Variants in SEC14L1 observed in about 807,000 individuals in gnomAD.
SEC14L1 encodes the protein SEC14-like protein 1.
A neutral mutation model predicts 85.3 loss-of-function variants in SEC14L1; 48 were observed. That is an observed-to-expected ratio of 0.56 (90% CI 0.45 to 0.72). The LOEUF (loss-of-function observed/expected upper bound fraction) is 0.72. SEC14L1 is among the 30% of genes least tolerant of loss of function. The pLI, the probability that SEC14L1 is intolerant of heterozygous loss-of-function variation, is 0.00. For missense variants in SEC14L1, 682 were observed against 921.4 expected, an observed-to-expected ratio of 0.74 and a Z score of 3.36; for synonymous variants, 391 against 355.5, an observed-to-expected ratio of 1.10 and a Z score of -1.12.
chr17:77,128,328 C>CG (rs1972509230), intron 3 of SEC14L1, among the ~76,000 whole-genome samples: 1 of 151,902 alleles, frequency 6.6e-6, no homozygotes, highest in Admixed American at 6.6e-5. Flanking sequence ...CAGGGGTGGG[C>CG]GGGGGTGCAG....
chr17:77,188,276 T>C (rs908623614), intron 3 of SEC14L1, among the ~76,000 whole-genome samples: 1 of 152,168 alleles, frequency 6.6e-6, no homozygotes, highest in Non-Finnish European at 1.5e-5. Flanking sequence ...ATGGCCCTTT[T>C]ACAGCCACAC....
intron 3 of SEC14L1, among the ~76,000 whole-genome samples, chr17:77,169,879 C>T (rs1974451015): frequency 1.3e-5 from 2 of 152,220 alleles, no homozygotes; most frequent in Admixed American, 1.3e-4. Context: ...GGGGTTGTAC[C>T]TTTGGTAAAG....
chr17:77,119,457 G>A (rs1258047669), intron 3 of SEC14L1, among the ~76,000 whole-genome samples: 4 of 152,104 alleles, frequency 2.6e-5, no homozygotes, highest in Admixed American at 6.6e-5. Flanking sequence ...CCTCATTGGC[G>A]TTAAATTAAA....
intron 3 of SEC14L1, among the ~76,000 whole-genome samples, chr17:77,123,407 G>GC (rs1323276334): frequency 9.5e-5 from 3 of 31,414 alleles, no homozygotes; most frequent in African/African-American, 7.0e-4. Context: ...TGGGTCCCAG[G>GC]CCCACTCTTT....
chr17:77,201,861 A>G (rs928188299), intron 9 of SEC14L1, among the ~76,000 whole-genome samples: 6 of 152,240 alleles, frequency 3.9e-5, no homozygotes, highest in Non-Finnish European at 8.8e-5. Flanking sequence ...GTCTAGAGCT[A>G]GACTCTCCTG....
chr17:77,190,988 C>T lies in SEC14L1; in HGVS notation c.213+36C>T, dbSNP rs754558222. The T allele has an allele frequency of 1.6e-4, 261 of 1,606,732 alleles. 1 individual carries two copies. The highest frequency in any genetic ancestry group is 1.0e-3 in the South Asian group (91 of 90,712). ...GAAAGGACGTCTTGGAGGGAAAGGGCGTCCTGGTGGGAGAGGGCGTCCTGG... is the reference window on the plus strand; with the variant it reads ...GAAAGGACGTCTTGGAGGGAAAGGGTGTCCTGGTGGGAGAGGGCGTCCTGG... On this transcript the variant is annotated intron_variant, in intron 4 of 16. Transcript: ENST00000436233.
At chr17:77,180,618 AC>A (rs1222168323) in intron 3 of SEC14L1, among the ~76,000 whole-genome samples, 3 of 152,134 alleles carry the variant, frequency 2.0e-5, no homozygotes, top group Non-Finnish European at 4.4e-5. Context: ...GAAGACTGGT[AC>A]CCGAGGCAGC....
chr17:77,194,762 CGA>C lies in SEC14L1; in HGVS notation c.561_562del (p.Thr188LeufsTer32). The C allele has an allele frequency of 6.2e-7, 1 of 1,614,182 alleles. No homozygotes were observed. Among genetic ancestry groups the C allele is most frequent in the Non-Finnish European group, 8.5e-7 (1 of 1,180,000 alleles). ...CCCCGTTGGAGTCCGCCTTCCATCA[CGA>C]CCTCTTCAGAGACATCTTCATCATC... is the stretch of plus-strand genomic sequence containing the variant. On this transcript the variant is annotated frameshift_variant, in exon 7 of 17. Coordinates refer to ENST00000436233, the MANE Select transcript of SEC14L1 (RefSeq NM_001143998.2). LOFTEE classifies it high-confidence loss of function.
intron 3 of SEC14L1, among the ~76,000 whole-genome samples, chr17:77,116,684 A>G (rs1008431914): frequency 4.6e-5 from 7 of 152,242 alleles, no homozygotes; most frequent in African/African-American, 1.7e-4. Context: ...AGTAGTACAG[A>G]CATAAATTTG....
chr17:77,197,058 G>T (rs947002583), intron 8 of SEC14L1, among the ~76,000 whole-genome samples: 1 of 152,246 alleles, frequency 6.6e-6, no homozygotes, highest in Non-Finnish European at 1.5e-5. Flanking sequence ...CACAGCCAGC[G>T]AGTGGTGGGG....
chr17:77,158,639 T>C (rs1973913346), intron 3 of SEC14L1, among the ~76,000 whole-genome samples: 1 of 152,126 alleles, frequency 6.6e-6, no homozygotes, highest in Admixed American at 6.5e-5. Flanking sequence ...TTGTACTCAA[T>C]TGTATATGCC....
chr17:77,179,409 G>A (rs1017305904), intron 3 of SEC14L1, among the ~76,000 whole-genome samples: 5 of 152,124 alleles, frequency 3.3e-5, no homozygotes, highest in East Asian at 3.8e-4. Flanking sequence ...TGCCTTCCAC[G>A]ATACTCATCA....
At chr17:77,137,975 C>A (rs550356874), upstream of SEC14L1, among the ~76,000 whole-genome samples, 40 of 152,234 alleles carry the variant, frequency 2.6e-4, no homozygotes, top group African/African-American at 9.4e-4. Context: ...AATCAGTCTC[C>A]CTGAACATTC....
chr17:77,134,942 C>T (rs1199887486), intron 3 of SEC14L1, among the ~76,000 whole-genome samples: 1 of 152,114 alleles, frequency 6.6e-6, no homozygotes, highest in Non-Finnish European at 1.5e-5. Flanking sequence ...AAGATTGTGT[C>T]CTGTCACATT....
intron 3 of SEC14L1, among the ~76,000 whole-genome samples, chr17:77,182,481 T>G (rs1199870762): frequency 6.6e-6 from 1 of 152,158 alleles, no homozygotes; most frequent in African/African-American, 2.4e-5. Flanking sequence ...TAGTTTTGTT[T>G]TTATTACTGA....
chr17:77,193,594 T>C (rs1975651074), intron 6 of SEC14L1, 45 bp downstream of exon 6: 2 of 1,574,524 alleles, frequency 1.3e-6, no homozygotes, highest in African/African-American at 1.4e-5. Flanking sequence ...GGCAGGAGTC[T>C]CTGAGATGAC....
intron 3 of SEC14L1, among the ~76,000 whole-genome samples, chr17:77,148,479 C>T (rs2143551688): frequency 6.6e-6 from 1 of 152,302 alleles, no homozygotes; most frequent in South Asian, 2.1e-4. Context: ...ATTTCCATTA[C>T]ACAGCAGATG....
chr17:77,216,460 GTGC>G lies in SEC14L1; in HGVS notation c.*2442_*2444del. ...CGTAGGTAGGGTTAGTAGCGCGTCT[GTGC>G]TGCTTCCACCTGGTGCTTCCTGTTC... On this transcript the variant is annotated 3_prime_UTR_variant, in exon 17 of 17. Coordinates refer to ENST00000436233, the MANE Select transcript of SEC14L1 (RefSeq NM_001143998.2). The G allele has an allele frequency of 6.2e-7, 1 of 1,610,348 alleles. No individual in the cohort carries two copies. The highest frequency in any genetic ancestry group is 1.7e-5 in the Admixed American group (1 of 59,804).
At chr17:77,092,195 T>C (rs1379792178) in intron 2 of SEC14L1, among the ~76,000 whole-genome samples, 2 of 152,220 alleles carry the variant, frequency 1.3e-5, no homozygotes, top group Non-Finnish European at 2.9e-5. Context: ...CTTTGCCTGT[T>C]TTTTGTTAGC....
Sources: allele counts gnomAD v4.1 joint callset (sites outside exome capture counted in the v4.1 genomes callset), GRCh38; gene constraint gnomAD v4.1.1; transcripts MANE v1.5; gene names NCBI Gene and HGNC (gene_info 2026-07-23, HGNC 2026-07-21).